EVI5: variants seen among roughly 807,000 people sequenced by gnomAD.
EVI5 encodes the protein ecotropic viral integration site 5.
EVI5 carries 73 observed loss-of-function variants against 112.0 expected under a neutral mutation model. That is an observed-to-expected ratio of 0.65 (90% CI 0.54 to 0.79). The LOEUF (loss-of-function observed/expected upper bound fraction) is 0.79. Among genes scored for constraint, EVI5 ranks in the 30% least tolerant of loss-of-function variants. EVI5 has a pLI of 0.00. For missense variants in EVI5, 900 were observed against 968.8 expected (o/e 0.93, Z 0.94); for synonymous variants, 305 against 319.9 (o/e 0.95, Z 0.50).
chr1:92,509,188 A>G lies in EVI5; in HGVS notation c.*4468T>C, dbSNP rs542876427. On this transcript the variant is annotated 3_prime_UTR_variant, in exon 20 of 20. Coordinates refer to ENST00000684568, the MANE Select transcript of EVI5 (RefSeq NM_001350197.2). ...CCTGAATATTACAGTACATTATATA[A>G]AAGATAAATGAGAATAAGGAACTAA... The G allele has an allele frequency of 6.5e-6, 1 of 152,728 alleles. No individual in the cohort carries two copies. The highest frequency in any genetic ancestry group is 1.5e-5 in the Non-Finnish European group (1 of 68,024). 9.5% of individuals were successfully genotyped at this position (152,728 alleles called of 1,614,324 possible). A position where few individuals can be genotyped will look rare whatever the true frequency, so the allele number is the denominator to read the frequency against.
intron 1 of EVI5, among the ~76,000 whole-genome samples, chr1:92,759,992 T>A (rs1681572080): frequency 6.6e-6 from 1 of 152,066 alleles, no homozygotes; most frequent in South Asian, 2.1e-4. Context: ...GTTTTAATAG[T>A]TTGCTCTGGC....
At chr1:92,698,439 C>T (rs1186297834) in intron 5 of EVI5, among the ~76,000 whole-genome samples, 5 of 152,094 alleles carry the variant, frequency 3.3e-5, no homozygotes, top group African/African-American at 7.2e-5. Context: ...GGGAGACACA[C>T]GGCTATTGAT....
At chr1:92,786,316 C>A (rs1350647279), upstream of EVI5, among the ~76,000 whole-genome samples, 1 of 151,436 alleles carries the variant, frequency 6.6e-6, no homozygotes, top group African/African-American at 2.4e-5. Flanking sequence ...GCCATGCCCT[C>A]CACCCAGCTA....
Position 92,569,726 on chromosome 1 carries a change from C to T in EVI5, c.2071-5989G>A, listed in dbSNP as rs543928638. On this transcript the variant is annotated intron_variant, in intron 18 of 19. Transcript: ENST00000684568. ...AAAACTAGCCAGGCATGGTGGCAGG[C>T]GCCTGTAATCCCAGCTACTCAGGAG... is the stretch of plus-strand genomic sequence containing the variant. Among the ~76,000 whole-genome samples, 273 of 151,702 alleles carry T rather than the reference C, an allele frequency of 1.8e-3. 1 individual carries two copies. Among genetic ancestry groups the T allele is most frequent in the African/African-American group, 5.9e-3 (244 of 41,370 alleles).
At position 92,563,749 on chromosome 1, in the gene EVI5, C is replaced by G; in HGVS notation, c.2071-12G>C. ...TTTCCTTCTTCTTTCTGTTTTGTGA[C>G]AAAACAACAAAGCAAAAACAAGAGG... On this transcript the variant is annotated splice_polypyrimidine_tract_variant and intron_variant, in intron 18 of 19. Transcript: ENST00000684568. 8.3e-6 allele frequency: 13 copies of G among 1,567,958 alleles called. No individual in the cohort carries two copies. Among genetic ancestry groups the G allele is most frequent in the Non-Finnish European group, 1.1e-5 (13 of 1,143,520 alleles).
chr1:92,720,099 C>T (rs1422896478), intron 2 of EVI5, among the ~76,000 whole-genome samples: 1 of 152,032 alleles, frequency 6.6e-6, no homozygotes, highest in African/African-American at 2.4e-5. Flanking sequence ...GGCCATACTG[C>T]CCAAAGTAAT....
intron 18 of EVI5, among the ~76,000 whole-genome samples, chr1:92,590,907 C>T (rs1009463861): frequency 2.6e-5 from 4 of 152,200 alleles, no homozygotes; most frequent in African/African-American, 9.6e-5. Flanking sequence ...AGACTAACAG[C>T]TGATCTCTCA....
At chr1:92,749,625 T>C (rs1330724807) in intron 1 of EVI5, among the ~76,000 whole-genome samples, 1 of 151,740 alleles carries the variant, frequency 6.6e-6, no homozygotes, top group Non-Finnish European at 1.5e-5. Flanking sequence ...TAAATAAATA[T>C]ATACACCTAG....
chr1:92,789,587 C>G (rs1685936844), upstream of EVI5, among the ~76,000 whole-genome samples: 1 of 152,200 alleles, frequency 6.6e-6, no homozygotes, highest in African/African-American at 2.4e-5. Context: ...CAGGCATGAA[C>G]CACCGCGCCT....
intron 5 of EVI5, chr1:92,701,061 A>G (rs1192585734): frequency 6.6e-6 from 1 of 152,198 alleles, no homozygotes; most frequent in Non-Finnish European, 1.5e-5. Context: ...ATGTGTTCTT[A>G]TATATGCTGT....
At chr1:92,729,223 A>T (rs926042156) in intron 2 of EVI5, among the ~76,000 whole-genome samples, 1 of 152,002 alleles carries the variant, frequency 6.6e-6, no homozygotes, top group Admixed American at 6.6e-5. Flanking sequence ...TTATGGTCAC[A>T]ATGTATGATA....
intron 18 of EVI5, among the ~76,000 whole-genome samples, chr1:92,574,249 T>G (rs746223190): frequency 8.5e-5 from 13 of 152,144 alleles, no homozygotes; most frequent in Admixed American, 2.0e-4. Flanking sequence ...ATATTCTGTT[T>G]GTTGAAAAAT....
At chr1:92,774,500 T>C (rs1683856349) in intron 1 of EVI5, among the ~76,000 whole-genome samples, 1 of 152,222 alleles carries the variant, frequency 6.6e-6, no homozygotes, top group South Asian at 2.1e-4. Context: ...TCCTTCCTTC[T>C]ATCTCAGTGC....
chr1:92,630,283 A>C lies in EVI5; in HGVS notation c.1528-4349T>G, dbSNP rs562524444. ...GGTTGAACTAGTTTACAGTCCCACC[A>C]ACAGCGTAAAAGTGTTCCTATTTCT... is the stretch of plus-strand genomic sequence containing the variant. On this transcript the variant is annotated intron_variant, in intron 14 of 19. Transcript: ENST00000684568. Among the ~76,000 whole-genome samples, 20 of 152,340 alleles carry C rather than the reference A, an allele frequency of 1.3e-4. 1 individual carries two copies. The highest frequency in any genetic ancestry group is 4.8e-4 in the African/African-American group (20 of 41,578).
intron 18 of EVI5, among the ~76,000 whole-genome samples, chr1:92,590,427 G>A (rs1362294253): frequency 2.6e-5 from 4 of 152,212 alleles, no homozygotes; most frequent in Non-Finnish European, 5.9e-5. Flanking sequence ...TAAAGGAGCT[G>A]ATGGAGCTGA....
intron 19 of EVI5, among the ~76,000 whole-genome samples, chr1:92,548,190 A>C (rs1473552876): frequency 1.3e-5 from 2 of 152,236 alleles, no homozygotes; most frequent in East Asian, 1.9e-4. Context: ...AGACTGGTTC[A>C]ACATACGAAA....
At chr1:92,562,947 C>A (rs1238216118) in intron 19 of EVI5, among the ~76,000 whole-genome samples, 1 of 152,008 alleles carries the variant, frequency 6.6e-6, no homozygotes. Context: ...TAATTCAAAA[C>A]AAGAAAGATG....
At chr1:92,754,504 T>C (rs1680619430) in intron 1 of EVI5, among the ~76,000 whole-genome samples, 1 of 139,556 alleles carries the variant, frequency 7.2e-6, no homozygotes, top group African/African-American at 2.5e-5. Flanking sequence ...TGGGCGATTC[T>C]GGCTCATGGC....
intron 11 of EVI5, among the ~76,000 whole-genome samples, chr1:92,665,044 A>C (rs1664649606): frequency 6.6e-6 from 1 of 152,188 alleles, no homozygotes; most frequent in South Asian, 2.1e-4. Context: ...GTCTCTACCA[A>C]AAATACAAAA....
Sources: allele counts gnomAD v4.1 joint callset (sites outside exome capture counted in the v4.1 genomes callset), GRCh38; gene constraint gnomAD v4.1.1; transcripts MANE v1.5; gene names NCBI Gene and HGNC (gene_info 2026-07-23, HGNC 2026-07-21).